Variants in KIAA0825 observed in about 807,000 individuals in gnomAD.
KIAA0825 encodes the protein uncharacterized protein KIAA0825.
Under a neutral mutation model 147.6 loss-of-function variants are expected in KIAA0825, and 119 were observed. That is an observed-to-expected ratio of 0.81 (90% CI 0.69 to 0.94). The LOEUF is 0.94. Among genes scored for constraint, KIAA0825 ranks in the 40% least tolerant of loss-of-function variants. The pLI is 0.00. For missense variants in KIAA0825, 1,381 were observed against 1,472.7 expected (o/e 0.94, Z 1.02); for synonymous variants, 470 against 518.1 (o/e 0.91, Z 1.26).
At chr5:94,538,638 T>G (rs1451495718) in intron 2 of KIAA0825, among the ~76,000 whole-genome samples, 1 of 152,248 alleles carries the variant, frequency 6.6e-6, no homozygotes, top group African/African-American at 2.4e-5. Context: ...TTGATTTGCC[T>G]CAAATGTCTA....
At chr5:94,485,681 T>C (rs1050982472) in intron 5 of KIAA0825, among the ~76,000 whole-genome samples, 1 of 151,820 alleles carries the variant, frequency 6.6e-6, no homozygotes, top group Non-Finnish European at 1.5e-5. Context: ...TATTAACATT[T>C]GGGAAATTTG....
chr5:94,588,261 C>T (rs1391454210), intron 1 of KIAA0825, among the ~76,000 whole-genome samples: 1 of 152,140 alleles, frequency 6.6e-6, no homozygotes, highest in African/African-American at 2.4e-5. Context: ...AGGCAACCTA[C>T]AGAATGGGAG....
At chr5:94,611,976 C>T (rs1257920410) in intron 1 of KIAA0825, 1 of 152,044 alleles carries the variant, frequency 6.6e-6, no homozygotes, top group Non-Finnish European at 1.5e-5. Flanking sequence ...AAAAGATTTA[C>T]ACTATATTTA....
At chr5:94,555,887 C>T (rs1248016987) in intron 2 of KIAA0825, among the ~76,000 whole-genome samples, 1 of 152,028 alleles carries the variant, frequency 6.6e-6, no homozygotes, top group African/African-American at 2.4e-5. Flanking sequence ...TGTCACAGAT[C>T]ATGAGATTAA....
intron 20 of KIAA0825, among the ~76,000 whole-genome samples, chr5:94,198,042 G>T (rs1297038557): frequency 6.6e-6 from 1 of 152,114 alleles, no homozygotes; most frequent in Non-Finnish European, 1.5e-5. Flanking sequence ...CATTAAGTCT[G>T]AAAATTACTT....
At chr5:94,598,200 ATTTACC>A (rs1785661950) in intron 1 of KIAA0825, among the ~76,000 whole-genome samples, 1 of 152,140 alleles carries the variant, frequency 6.6e-6, no homozygotes, top group Non-Finnish European at 1.5e-5. Context: ...TGTACAAAAT[ATTTACC>A]TTTATAGCCT....
At chr5:94,254,411 C>T (rs1290475809) in intron 20 of KIAA0825, among the ~76,000 whole-genome samples, 1 of 152,094 alleles carries the variant, frequency 6.6e-6, no homozygotes, top group African/African-American at 2.4e-5. Flanking sequence ...TCCTATCCAG[C>T]TGTCTTAAGT....
intron 7 of KIAA0825, 94 bp downstream of exon 7, chr5:94,477,017 G>T: frequency 1.1e-6 from 1 of 912,340 alleles, no homozygotes; most frequent in Non-Finnish European, 1.7e-6. Context: ...TGTAGCAAAG[G>T]GTAAAACTCA....
intron 20 of KIAA0825, among the ~76,000 whole-genome samples, chr5:94,316,288 AAT>A (rs1284665411): frequency 6.6e-6 from 1 of 151,592 alleles, no homozygotes; most frequent in African/African-American, 2.4e-5. Flanking sequence ...GCCTAAATAA[AAT>A]ATGAGTATTA....
chr5:94,454,422 T>G (rs1227990065), intron 12 of KIAA0825, among the ~76,000 whole-genome samples: 1 of 152,244 alleles, frequency 6.6e-6, no homozygotes, highest in Admixed American at 6.5e-5. Context: ...TCTTGCTAAA[T>G]AGAACATCTT....
At chr5:94,562,102 T>A (rs1426123946) in intron 2 of KIAA0825, among the ~76,000 whole-genome samples, 2 of 152,172 alleles carry the variant, frequency 1.3e-5, no homozygotes, top group Non-Finnish European at 2.9e-5. Flanking sequence ...AAAAAAAGGA[T>A]GTTAGATAAA....
At chr5:94,168,053 A>T (rs1009616657) in intron 20 of KIAA0825, among the ~76,000 whole-genome samples, 1 of 149,954 alleles carries the variant, frequency 6.7e-6, no homozygotes, top group Non-Finnish European at 1.5e-5. Context: ...ATAGAAATAC[A>T]TAGAAATAAA....
In KIAA0825 at chr5:94,347,979, T is replaced by C. The variant is rs897224701; in HGVS notation, c.3710+36389A>G. On this transcript the variant is annotated intron_variant, in intron 20 of 20. Transcript: ENST00000682413. ...AAAAATTCAGGAAAGGTTGGACATA[T>C]GTTTAGAAATGCAAAATGCTCTGGA... Among the ~76,000 whole-genome samples the C allele has an allele frequency of 4.6e-5, 7 of 152,138 alleles. No individual in the cohort carries two copies. The East Asian group carries it at 7.7e-4, about 17-fold the overall frequency.
chr5:94,564,054 T>G lies in KIAA0825; in HGVS notation c.-2+18379A>C, dbSNP rs188775941. 9.2e-5 allele frequency among the ~76,000 whole-genome samples: 14 copies of G among 152,212 alleles called. No individual in the cohort carries two copies. In the East Asian group the frequency reaches 2.5e-3, roughly 27 times the overall value. ...ATCAGAACCTCAAAATTATCTGATG[T>G]CAGTCTTCCCTCCAACCTCCTATAC... On this transcript the variant is annotated intron_variant, in intron 2 of 20. Coordinates refer to ENST00000682413, the MANE Select transcript of KIAA0825 (RefSeq NM_001145678.3).
chr5:94,231,647 A>G lies in KIAA0825; in HGVS notation c.3711-77523T>C, dbSNP rs187790128. Among the ~76,000 whole-genome samples the G allele has an allele frequency of 7.9e-5, 12 of 152,206 alleles. No homozygotes were observed. The East Asian group carries it at 2.3e-3, about 29-fold the overall frequency. On this transcript the variant is annotated intron_variant, in intron 20 of 20. Coordinates refer to ENST00000682413, the MANE Select transcript of KIAA0825 (RefSeq NM_001145678.3). ...AAATTGTTGCTGATCTTTGGTTTGTATTTTTGGTTTAAATATTGAAGATAT... is the reference window on the plus strand; with the variant it reads ...AAATTGTTGCTGATCTTTGGTTTGTGTTTTTGGTTTAAATATTGAAGATAT...
intron 20 of KIAA0825, among the ~76,000 whole-genome samples, chr5:94,164,854 C>T (rs566469522): frequency 3.9e-5 from 6 of 152,150 alleles, no homozygotes; most frequent in African/African-American, 1.4e-4. Context: ...ATAAAAAAAT[C>T]AAATCAAAAT....
intron 20 of KIAA0825, among the ~76,000 whole-genome samples, chr5:94,333,896 G>A (rs1781530593): frequency 6.6e-6 from 1 of 152,118 alleles, no homozygotes; most frequent in African/African-American, 2.4e-5. Flanking sequence ...CTTAACAAGG[G>A]ATTTGAAGGA....
Position 94,396,375 on chromosome 5 carries a change from A to G in KIAA0825, c.3022T>C (p.Leu1008=). The change falls in exon 17 of 21, where the codon TTG becomes CTG. Residue 1008 remains leucine, a synonymous_variant. Coordinates refer to ENST00000682413, the MANE Select transcript of KIAA0825 (RefSeq NM_001145678.3). ...CAGACAAGCAGGCCAGCTTTCTTCA[A>G]TTCAACAAATTTTTTTGACATTTTT... ...ERKMSKKFVE[L]KKAGLLVWNL... 2 of 1,550,618 alleles carry G rather than the reference A, an allele frequency of 1.3e-6. No homozygotes were observed. The highest frequency in any genetic ancestry group is 8.7e-7 in the Non-Finnish European group (1 of 1,146,716).
At chr5:94,175,976 T>A (rs1769056184) in intron 20 of KIAA0825, among the ~76,000 whole-genome samples, 1 of 152,196 alleles carries the variant, frequency 6.6e-6, no homozygotes, top group South Asian at 2.1e-4. Context: ...TTTCTGCTAC[T>A]GTATTACAAT....
Sources: allele counts gnomAD v4.1 joint callset (sites outside exome capture counted in the v4.1 genomes callset), GRCh38; gene constraint gnomAD v4.1.1; transcripts MANE v1.5; gene names NCBI Gene and HGNC (gene_info 2026-07-23, HGNC 2026-07-21).